IL1RAPL1: variants seen among roughly 807,000 people sequenced by gnomAD.
IL1RAPL1 encodes the protein interleukin-1 receptor accessory protein-like 1.
In IL1RAPL1, 3 loss-of-function variants were observed where a neutral mutation model predicts 48.4. The observed-to-expected ratio is 0.06, with a 90% CI of 0.03 to 0.16. The LOEUF (loss-of-function observed/expected upper bound fraction) is 0.16. IL1RAPL1 is among the 10% of genes least tolerant of loss of function. The pLI is 1.00. For synonymous variants in IL1RAPL1, 185 were observed against 187.7 expected, an observed-to-expected ratio of 0.99 and a Z score of 0.12; for missense variants, 349 against 530.6, an observed-to-expected ratio of 0.66 and a Z score of 3.36.
intron 2 of IL1RAPL1, among the ~76,000 whole-genome samples, chrX:29,006,173 A>T (rs957336236): frequency 9.1e-6 from 1 of 109,973 alleles, no homozygotes; most frequent in Non-Finnish European, 1.9e-5. Context: ...AAAGGGGGAG[A>T]ATTGGGTGGA....
chrX:29,282,906 C>G, intron 2 of IL1RAPL1, 32 bp from the exon 3 acceptor site: 2 of 1,200,652 alleles, frequency 1.7e-6, no homozygotes, highest in Non-Finnish European at 2.3e-6. Context: ...TAATGTTTTT[C>G]CTCTCTTTCT....
intron 6 of IL1RAPL1, among the ~76,000 whole-genome samples, chrX:29,708,661 G>A (rs1441140155): frequency 1.8e-5 from 2 of 112,196 alleles, no homozygotes; most frequent in African/African-American, 6.5e-5. Context: ...GCTACTGTGA[G>A]TAATGCTGAA....
intron 1 of IL1RAPL1, among the ~76,000 whole-genome samples, chrX:28,702,010 C>T (rs1042590364): frequency 9.0e-6 from 1 of 111,400 alleles, no homozygotes; most frequent in Admixed American, 9.6e-5. Flanking sequence ...AGGAGTTTTA[C>T]CAGGCTCTCG....
At chrX:29,582,970 C>T (rs6628456) in intron 5 of IL1RAPL1, among the ~76,000 whole-genome samples, 17,114 of 70,585 alleles carry the variant, frequency 0.24, 2,159 homozygotes, top group South Asian at 0.32. Context: ...AATCGCCACA[C>T]TGACTTCCAC....
At chrX:29,629,209 T>G (rs1206262135) in intron 5 of IL1RAPL1, among the ~76,000 whole-genome samples, 1 of 111,894 alleles carries the variant, frequency 8.9e-6, no homozygotes, top group Non-Finnish European at 1.9e-5. Context: ...AGGCAAAATT[T>G]TAATCACTAA....
At chrX:29,078,299 A>G (rs763725386) in intron 2 of IL1RAPL1, among the ~76,000 whole-genome samples, 2 of 112,385 alleles carry the variant, frequency 1.8e-5, no homozygotes, top group East Asian at 5.6e-4. Context: ...AACAAAACAA[A>G]AAAAACAAAA....
chrX:29,660,090 G>C (rs1410852577), intron 5 of IL1RAPL1, among the ~76,000 whole-genome samples: 1 of 110,768 alleles, frequency 9.0e-6, no homozygotes, highest in East Asian at 2.8e-4. Context: ...TAAACAACCA[G>C]ATCTCCTGCG....
chrX:29,424,322 A>G (rs1242013479), intron 5 of IL1RAPL1, among the ~76,000 whole-genome samples: 3 of 108,927 alleles, frequency 2.8e-5, no homozygotes, highest in African/African-American at 3.3e-5. Context: ...TGGAAAGAAA[A>G]AAAAAAAAAG....
At chrX:29,877,347 T>C (rs1488336630) in intron 6 of IL1RAPL1, among the ~76,000 whole-genome samples, 1 of 111,585 alleles carries the variant, frequency 9.0e-6, no homozygotes, top group Non-Finnish European at 1.9e-5. Flanking sequence ...ATGGAACTAC[T>C]TGGTAAGCAG....
chrX:28,753,919 GGA>G (rs761095391), intron 1 of IL1RAPL1, among the ~76,000 whole-genome samples: 7,434 of 104,068 alleles, frequency 0.071, 662 homozygotes, highest in African/African-American at 0.25. Context: ...AAGGAGGGAG[GGA>G]GAGAGAGAGA....
chrX:29,057,035 G>A (rs1008967349), intron 2 of IL1RAPL1, among the ~76,000 whole-genome samples: 16 of 111,882 alleles, frequency 1.4e-4, no homozygotes, highest in Admixed American at 1.2e-3. Flanking sequence ...AATTATACCC[G>A]TGGGGTAATT....
At chrX:29,198,082 G>A (rs777994405) in intron 2 of IL1RAPL1, among the ~76,000 whole-genome samples, 2 of 111,160 alleles carry the variant, frequency 1.8e-5, no homozygotes, top group East Asian at 5.7e-4. Flanking sequence ...TAGAAGACAT[G>A]CTTTTCAAAT....
chrX:29,239,049 A>C (rs958973909), intron 2 of IL1RAPL1, among the ~76,000 whole-genome samples: 2 of 112,534 alleles, frequency 1.8e-5, no homozygotes, highest in Non-Finnish European at 3.8e-5. Flanking sequence ...TATCTTTTTC[A>C]TATTTCTCTA....
intron 6 of IL1RAPL1, among the ~76,000 whole-genome samples, chrX:29,735,044 A>AG (rs35816312): frequency 0.39 from 43,212 of 111,164 alleles, 5,972 homozygotes; most frequent in Admixed American, 0.49. Context: ...ACAACTTAAA[A>AG]TATTCCAATT....
rs1933382929 is a variant in IL1RAPL1 at position 29,954,699 on chromosome X, T to A, written c.1372+7T>A. On this transcript the variant is annotated splice_region_variant and intron_variant, in intron 10 of 10. Transcript: ENST00000378993. ...GATTTAATCCCAACTGGAAGTAAGT[T>A]AATGTTTTCATTTGAGAGTGTGCAT... 2 of 1,164,044 alleles carry A rather than the reference T, an allele frequency of 1.7e-6. No individual in the cohort carries two copies. The highest frequency in any genetic ancestry group is 1.8e-5 in the African/African-American group (1 of 56,937).
chrX:29,647,322 C>G, intron 5 of IL1RAPL1, among the ~76,000 whole-genome samples: 1 of 102,618 alleles, frequency 9.7e-6, no homozygotes, highest in Non-Finnish European at 2.0e-5. Context: ...GCACTCCAGC[C>G]TGGTGACAGA....
intron 5 of IL1RAPL1, among the ~76,000 whole-genome samples, chrX:29,637,221 A>G (rs1243558235): frequency 9.2e-6 from 1 of 108,261 alleles, no homozygotes; most frequent in Admixed American, 1.0e-4. Flanking sequence ...AGAAAATTCA[A>G]AATTCCAGAA....
At chrX:29,399,543 G>A (rs1248154385) in intron 5 of IL1RAPL1, among the ~76,000 whole-genome samples, 4 of 111,518 alleles carry the variant, frequency 3.6e-5, no homozygotes, top group Non-Finnish European at 5.7e-5. Context: ...CTTTTGGGCC[G>A]GGCACCGTGG....
chrX:28,791,527 TTC>T, intron 2 of IL1RAPL1, among the ~76,000 whole-genome samples: 1 of 112,055 alleles, frequency 8.9e-6, no homozygotes, highest in Non-Finnish European at 1.9e-5. Flanking sequence ...TAAGCAGAAG[TTC>T]TGAGACCTTT....
Sources: allele counts gnomAD v4.1 joint callset (sites outside exome capture counted in the v4.1 genomes callset), GRCh38; gene constraint gnomAD v4.1.1; transcripts MANE v1.5; gene names NCBI Gene and HGNC (gene_info 2026-07-23, HGNC 2026-07-21).